The following RBM20 variants were observed in gnomAD, a reference collection of about 807,000 sequenced individuals.
RBM20 encodes RNA binding motif protein 20.
Under a neutral mutation model 110.1 loss-of-function variants are expected in RBM20, and 51 were observed. The observed-to-expected ratio is 0.46, with a 90% CI of 0.37 to 0.59. The LOEUF is 0.59. RBM20 is among the 20% of genes least tolerant of loss of function. RBM20 has a pLI of 0.00. For missense variants in RBM20, 1,512 were observed against 1,574.9 expected, an observed-to-expected ratio of 0.96 and a Z score of 0.68; for synonymous variants, 589 against 618.2, an observed-to-expected ratio of 0.95 and a Z score of 0.70.
At chr10:110,707,110 A>G (rs1006775094) in intron 1 of RBM20, among the ~76,000 whole-genome samples, 4 of 152,210 alleles carry the variant, frequency 2.6e-5, no homozygotes, top group African/African-American at 9.6e-5. Context: ...CTGCCAAGTG[A>G]TAAGGCTTTC....
rs2134966317 is a variant in RBM20, at chr10:110,739,914, C to T, written c.192-40887C>T. ...TCCCAGCGGCCCTGCCCGTCTGGGT[C>T]CTCCTGCCCTCACTGGGTGTTCCCA... On this transcript the variant is annotated intron_variant, in intron 1 of 13. Transcript: ENST00000369519. This position sits in a 1 kb window ranked among gnomAD's most constrained non-coding sequence, Gnocchi z 4.1. Among the ~76,000 whole-genome samples, 1 of 152,364 alleles carries T rather than the reference C, an allele frequency of 6.6e-6. No individual in the cohort carries two copies. The highest frequency in any genetic ancestry group is 1.5e-5 in the Non-Finnish European group (1 of 68,030).
chr10:110,725,904 T>C (rs1367329669), intron 1 of RBM20, among the ~76,000 whole-genome samples: 1 of 152,134 alleles, frequency 6.6e-6, no homozygotes, highest in Admixed American at 6.5e-5. Flanking sequence ...GTGCTGGGGG[T>C]GGAATCTGCT....
At chr10:110,755,558 C>T (rs1843910823) in intron 1 of RBM20, among the ~76,000 whole-genome samples, 1 of 152,024 alleles carries the variant, frequency 6.6e-6, no homozygotes, top group African/African-American at 2.4e-5. Flanking sequence ...TATTTATTTA[C>T]AATTTAATAA....
chr10:110,671,730 G>C (rs1862262283), intron 1 of RBM20, among the ~76,000 whole-genome samples: 1 of 134,740 alleles, frequency 7.4e-6, no homozygotes, highest in South Asian at 2.7e-4. Flanking sequence ...AAATGACACT[G>C]TTTAAGATAT....
chr10:110,834,980 GC>G (rs1362351500), intron 13 of RBM20, among the ~76,000 whole-genome samples: 1 of 152,138 alleles, frequency 6.6e-6, no homozygotes, highest in Non-Finnish European at 1.5e-5. Flanking sequence ...GAATAGACAG[GC>G]CCATTTTTAA....
chr10:110,677,341 C>A (rs1862353565), intron 1 of RBM20, among the ~76,000 whole-genome samples: 1 of 151,308 alleles, frequency 6.6e-6, no homozygotes, highest in African/African-American at 2.4e-5. Flanking sequence ...TTTTTTGAGA[C>A]ACAGTCTAGC....
At chr10:110,787,277 G>A (rs933466611) in intron 5 of RBM20, among the ~76,000 whole-genome samples, 2 of 152,372 alleles carry the variant, frequency 1.3e-5, no homozygotes, top group Non-Finnish European at 2.9e-5. Flanking sequence ...AGTGGCCAGC[G>A]CCAGACAGTG....
chr10:110,835,846 A>C (rs547773607), intron 13 of RBM20, 22 bp from the exon 14 acceptor site: 1 of 1,550,150 alleles, frequency 6.5e-7, no homozygotes. Flanking sequence ...CCCTTCCTCC[A>C]CTTCCCCTCT....
At chr10:110,767,632 G>A (rs1222730121) in intron 1 of RBM20, among the ~76,000 whole-genome samples, 3 of 151,300 alleles carry the variant, frequency 2.0e-5, no homozygotes, top group Non-Finnish European at 4.4e-5. Context: ...GGGCAGAGAC[G>A]CTCCTCACCT....
chr10:110,765,893 A>T (rs1053055011), intron 1 of RBM20, among the ~76,000 whole-genome samples: 2 of 152,158 alleles, frequency 1.3e-5, no homozygotes, highest in African/African-American at 4.8e-5. Flanking sequence ...GAGGGTTAAT[A>T]TGTTCACACA....
intron 1 of RBM20, among the ~76,000 whole-genome samples, chr10:110,656,513 A>G (rs1862028761): frequency 6.6e-6 from 1 of 151,994 alleles, no homozygotes; most frequent in African/African-American, 2.4e-5. Flanking sequence ...TAAAGTGCAT[A>G]ATTTAGTGAC....
intron 1 of RBM20, among the ~76,000 whole-genome samples, chr10:110,692,131 G>A (rs542777496): frequency 6.6e-6 from 1 of 152,066 alleles, no homozygotes; most frequent in African/African-American, 2.4e-5. Flanking sequence ...CTCTATGTCT[G>A]TCCTTATGCC....
Position 110,732,678 on chromosome 10 carries a change from C to T in RBM20, c.192-48123C>T, listed in dbSNP as rs191302047. 1.6e-4 allele frequency among the ~76,000 whole-genome samples: 25 copies of T among 152,332 alleles called. No individual in the cohort carries two copies. The East Asian group carries it at 3.5e-3, about 21-fold the overall frequency. On this transcript the variant is annotated intron_variant, in intron 1 of 13. Transcript: ENST00000369519. ...CCCTTGCCGTTCACACGCACCCCAT[C>T]GTTGGGTTCCAGAGCAAAAACTCTT...
intron 7 of RBM20, among the ~76,000 whole-genome samples, chr10:110,809,904 G>C (rs930429210): frequency 1.3e-5 from 2 of 152,180 alleles, no homozygotes; most frequent in African/African-American, 4.8e-5. Context: ...TGACCCTGGA[G>C]CTGTGCAGAG....
intron 1 of RBM20, among the ~76,000 whole-genome samples, chr10:110,769,374 C>T (rs1038216399): frequency 2.0e-5 from 3 of 152,138 alleles, no homozygotes; most frequent in Admixed American, 1.3e-4. Flanking sequence ...TTTCTGGAAG[C>T]TCACCCTCTG....
intron 1 of RBM20, among the ~76,000 whole-genome samples, chr10:110,767,808 G>C (rs12414842): frequency 0.18 from 26,953 of 151,854 alleles, 2,612 homozygotes; most frequent in East Asian, 0.38. Context: ...TCCTAGATGG[G>C]ATGGCGGCGG....
intron 1 of RBM20, among the ~76,000 whole-genome samples, chr10:110,760,665 A>G (rs553783232): frequency 6.8e-6 from 1 of 146,198 alleles, no homozygotes; most frequent in South Asian, 2.2e-4. Context: ...CTGGTCTCGA[A>G]CTCCTCATCT....
At chr10:110,797,174 TC>T (rs1844560533) in intron 5 of RBM20, among the ~76,000 whole-genome samples, 1 of 152,104 alleles carries the variant, frequency 6.6e-6, no homozygotes, top group Non-Finnish European at 1.5e-5. Flanking sequence ...ATGCCTGTGG[TC>T]CCAGCTACTT....
rs183864819 is a variant in RBM20 at position 110,811,918 on chromosome 10, C to T, written c.1881-360C>T. Among the ~76,000 whole-genome samples the T allele has an allele frequency of 1.1e-4, 17 of 152,248 alleles. No individual in the cohort carries two copies. In the South Asian group the frequency reaches 1.9e-3, roughly 17 times the overall value. The stretch of plus-strand genomic sequence containing the variant: ...CAATCTTGCCCCCCAGCGCCCACCC[C>T]GCACACCCCCAGGAGGAGAGTCAGA... On this transcript the variant is annotated intron_variant, in intron 8 of 13. Transcript: ENST00000369519.
Sources: gnomAD v4.1 joint callset for allele counts (sites outside exome capture counted in the v4.1 genomes callset) on GRCh38, gnomAD v4.1.1 for gene constraint, Gnocchi (gnomAD v3.1) non-coding constraint, MANE v1.5 for transcripts, NCBI Gene and HGNC (gene_info 2026-07-23, HGNC 2026-07-21) for gene names.